PRKAG2: variants seen among roughly 807,000 people sequenced by gnomAD.
The protein encoded by PRKAG2 is 5'-AMP-activated protein kinase subunit gamma-2.
In PRKAG2, 26 loss-of-function variants were observed where a neutral mutation model predicts 69.6. The ratio of observed to expected loss-of-function variants is 0.37; its 90% CI spans 0.27 to 0.52. PRKAG2 has a LOEUF of 0.52. PRKAG2 is among the 20% of genes least tolerant of loss of function. The pLI is 0.90. For synonymous variants in PRKAG2, 293 were observed against 285.0 expected, an observed-to-expected ratio of 1.03 and a Z score of -0.28; for missense variants, 557 against 740.0, an observed-to-expected ratio of 0.75 and a Z score of 2.87.
intron 4 of PRKAG2, among the ~76,000 whole-genome samples, chr7:151,672,038 T>C (rs1209337869): frequency 6.6e-6 from 1 of 151,742 alleles, no homozygotes; most frequent in Non-Finnish European, 1.5e-5. Context: ...TTTTTTTTTT[T>C]GAGATGGAGT....
chr7:151,843,603 C>T (rs887794210), intron 1 of PRKAG2, among the ~76,000 whole-genome samples: 1 of 152,190 alleles, frequency 6.6e-6, no homozygotes, highest in Non-Finnish European at 1.5e-5. Flanking sequence ...ATTCCCAGAG[C>T]TGAGTATTTG....
At chr7:151,816,326 GTTTT>G (rs1286021273) in intron 1 of PRKAG2, among the ~76,000 whole-genome samples, 1 of 151,866 alleles carries the variant, frequency 6.6e-6, no homozygotes, top group Admixed American at 6.6e-5. Context: ...AGCGGAAACT[GTTTT>G]TTGTTTTTTT....
chr7:151,594,867 C>T (rs996797145), intron 6 of PRKAG2, among the ~76,000 whole-genome samples: 10 of 152,012 alleles, frequency 6.6e-5, no homozygotes, highest in African/African-American at 2.4e-4. Context: ...GGCACAAGCT[C>T]GGCTCACTGC....
chr7:151,625,689 T>A (rs1822671114), intron 5 of PRKAG2, among the ~76,000 whole-genome samples: 3 of 150,758 alleles, frequency 2.0e-5, no homozygotes, highest in African/African-American at 7.3e-5. Context: ...GGACCTGGAG[T>A]CAAGCAGCTT....
chr7:151,834,652 C>T (rs183543885), intron 1 of PRKAG2, among the ~76,000 whole-genome samples: 274 of 152,292 alleles, frequency 1.8e-3, no homozygotes, highest in Non-Finnish European at 3.1e-3. Context: ...CATCTGGGGT[C>T]GGAAGGGACC....
chr7:151,630,289 G>A (rs1424666515), intron 5 of PRKAG2, among the ~76,000 whole-genome samples: 2 of 152,144 alleles, frequency 1.3e-5, no homozygotes, highest in African/African-American at 2.4e-5. Context: ...TAAATCTCAA[G>A]TAAGAAGAAG....
chr7:151,842,269 TA>T (rs1586705019), intron 1 of PRKAG2, among the ~76,000 whole-genome samples: 60 of 67,990 alleles, frequency 8.8e-4, no homozygotes, highest in African/African-American at 1.1e-3. Context: ...TGATGGTAGG[TA>T]GTGATGATGG....
At chr7:151,854,441 G>A (rs1563755857) in intron 1 of PRKAG2, among the ~76,000 whole-genome samples, 1 of 152,212 alleles carries the variant, frequency 6.6e-6, no homozygotes, top group Admixed American at 6.5e-5. Flanking sequence ...TCTGAGACCT[G>A]CCCCCAAGAG....
chr7:151,556,179 CA>C lies in PRKAG2; in HGVS notation c.*1021del, dbSNP rs11329945. On this transcript the variant is annotated 3_prime_UTR_variant, in exon 16 of 16. Coordinates refer to ENST00000287878, the MANE Select transcript of PRKAG2 (RefSeq NM_016203.4). ...CAATCTGAAAAAAAAAAACCCAAAA[CA>C]AAAAAAAAACAAACTATCCTCATAT... The C allele has an allele frequency of 0.55, 78,387 of 143,524 alleles. 22,778 individuals carry two copies. Among genetic ancestry groups the C allele is most frequent in the East Asian group, 0.71 (3,549 of 4,976 alleles). 8.9% of individuals were successfully genotyped at this position (143,524 alleles called of 1,614,324 possible).
At chr7:151,587,652 C>T (rs989788914) in intron 6 of PRKAG2, among the ~76,000 whole-genome samples, 1 of 152,132 alleles carries the variant, frequency 6.6e-6, no homozygotes, top group Non-Finnish European at 1.5e-5. Flanking sequence ...AATCATCATG[C>T]AAATCTCAGT....
chr7:151,590,705 C>G (rs2151110440), intron 6 of PRKAG2, among the ~76,000 whole-genome samples: 1 of 152,350 alleles, frequency 6.6e-6, no homozygotes, highest in South Asian at 2.1e-4. Context: ...GGGGAGGAAA[C>G]CACTTATATG....
chr7:151,844,393 G>A (rs6953357), intron 1 of PRKAG2, among the ~76,000 whole-genome samples: 25,360 of 152,122 alleles, frequency 0.17, 2,225 homozygotes, highest in East Asian at 0.28. Flanking sequence ...TCAAAGAGGC[G>A]GAAGAGGACC....
At chr7:151,608,484 G>T (rs1008150458) in intron 5 of PRKAG2, among the ~76,000 whole-genome samples, 2 of 152,120 alleles carry the variant, frequency 1.3e-5, no homozygotes, top group Admixed American at 6.5e-5. Flanking sequence ...TGCGCACCGG[G>T]GGGCAGCAGT....
intron 13 of PRKAG2, among the ~76,000 whole-genome samples, 191 bp downstream of exon 13, chr7:151,565,155 A>T (rs989327938): frequency 6.6e-6 from 1 of 152,252 alleles, no homozygotes; most frequent in African/African-American, 2.4e-5. Flanking sequence ...CTAATATATA[A>T]TTGGTTGCTA....
intron 1 of PRKAG2, among the ~76,000 whole-genome samples, chr7:151,869,181 G>A (rs2080153931): frequency 1.3e-5 from 2 of 152,272 alleles, no homozygotes; most frequent in East Asian, 1.9e-4. Flanking sequence ...ATGCAATATC[G>A]ATTGAACCCA....
At chr7:151,809,933 C>T (rs773600698) in intron 1 of PRKAG2, 2 of 152,352 alleles carry the variant, frequency 1.3e-5, no homozygotes, top group African/African-American at 2.4e-5. Flanking sequence ...TCAGCCACCC[C>T]AGAGCCACAG....
chr7:151,828,181 G>T lies in PRKAG2; in HGVS notation c.115-41640C>A, dbSNP rs1351522036. Among the ~76,000 whole-genome samples, 3 of 152,234 alleles carry T rather than the reference G, an allele frequency of 2.0e-5. No individual in the cohort carries two copies. The highest frequency in any genetic ancestry group is 7.2e-5 in the African/African-American group (3 of 41,458). On this transcript the variant is annotated intron_variant, in intron 1 of 15. Transcript: ENST00000287878. This position sits in a 1 kb window ranked among gnomAD's most constrained non-coding sequence, Gnocchi z 4.6. ...TGGAATGAGTGCAACTCTTTGTCCA[G>T]GGGTCTCCACGCTTTTGTGAGGAAG...
intron 3 of PRKAG2, among the ~76,000 whole-genome samples, chr7:151,694,911 C>T (rs750817823): frequency 7.2e-5 from 11 of 152,232 alleles, no homozygotes; most frequent in Non-Finnish European, 1.2e-4. Flanking sequence ...CCTGGGGATG[C>T]CCCAGTCCCT....
Position 151,632,582 on chromosome 7 carries a change from CGGCGGCCG to C in PRKAG2, c.685-452_685-445del. On this transcript the variant is annotated intron_variant, in intron 4 of 15. Transcript: ENST00000287878. This position sits in a 1 kb window ranked among gnomAD's most constrained non-coding sequence, Gnocchi z 4.2. ...CCGGCGCCGCTCACCTTCCCAGCAC[CGGCGGCCG>C]CGCTCGGCAGGCTCCACCTGCGCAG... 1.0e-6 allele frequency: 1 copy of C among 983,828 alleles called. No individual in the cohort carries two copies. 60.9% of individuals were successfully genotyped at this position (983,828 alleles called of 1,614,324 possible).
Sources: allele counts gnomAD v4.1 joint callset (sites outside exome capture counted in the v4.1 genomes callset), GRCh38; gene constraint gnomAD v4.1.1; non-coding constraint Gnocchi (gnomAD v3.1); transcripts MANE v1.5; gene names NCBI Gene and HGNC (gene_info 2026-07-23, HGNC 2026-07-21).